MDGA2: variants seen among roughly 807,000 people sequenced by gnomAD.
MDGA2 encodes the protein MAM domain containing glycosylphosphatidylinositol anchor 2.
MDGA2 carries 40 observed loss-of-function variants against 117.8 expected under a neutral mutation model. That is an observed-to-expected ratio of 0.34 (90% CI 0.26 to 0.44). The LOEUF (loss-of-function observed/expected upper bound fraction) is 0.44. Ranked by LOEUF, MDGA2 falls within the 20% of genes least tolerant of loss-of-function variation. The pLI is 1.00. For missense variants in MDGA2, 1,123 were observed against 1,250.6 expected, an observed-to-expected ratio of 0.90 and a Z score of 1.54; for synonymous variants, 452 against 439.0, an observed-to-expected ratio of 1.03 and a Z score of -0.37.
intron 9 of MDGA2, among the ~76,000 whole-genome samples, chr14:46,922,320 T>TAGG (rs1408338241): frequency 6.6e-6 from 1 of 152,168 alleles, no homozygotes; most frequent in Non-Finnish European, 1.5e-5. Flanking sequence ...AGTCAACACT[T>TAGG]AAACAGCCAT....
At chr14:47,510,509 C>T (rs1429691680) in intron 1 of MDGA2, among the ~76,000 whole-genome samples, 1 of 152,122 alleles carries the variant, frequency 6.6e-6, no homozygotes, top group East Asian at 1.9e-4. Flanking sequence ...CTTGAGAGTT[C>T]TGCCTAATTT....
At chr14:47,218,246 G>C in intron 2 of MDGA2, 51 bp from the exon 3 acceptor site, 2 of 1,414,670 alleles carry the variant, frequency 1.4e-6, no homozygotes, top group Non-Finnish European at 1.9e-6. Context: ...TTCCCACAGA[G>C]AAATCAAATA....
At position 47,186,354 on chromosome 14, in the gene MDGA2, C is replaced by A. The variant is rs77006023; in HGVS notation, c.595+31667G>T. 3.1e-3 allele frequency among the ~76,000 whole-genome samples: 473 copies of A among 151,538 alleles called. 13 individuals carry two copies. The East Asian group carries it at 0.068, about 22-fold the overall frequency. ...AAAATTCATATGAAAGAATAAATTG[C>A]CAAAATAAGACAAACTTGAAAAAAG... On this transcript the variant is annotated intron_variant, in intron 3 of 16. Transcript: ENST00000399232.
intron 1 of MDGA2, among the ~76,000 whole-genome samples, chr14:47,595,565 A>AC (rs1327138033): frequency 1.1e-3 from 121 of 112,040 alleles, no homozygotes; most frequent in African/African-American, 5.1e-3. Context: ...AACAAAAAAA[A>AC]AAAAAACCCA....
intron 3 of MDGA2, among the ~76,000 whole-genome samples, chr14:47,179,895 G>T (rs1884629845): frequency 6.6e-6 from 1 of 151,812 alleles, no homozygotes; most frequent in African/African-American, 2.4e-5. Context: ...TCCCTAATTT[G>T]CCAATATCTT....
At chr14:47,518,004 C>T (rs1286853792) in intron 1 of MDGA2, among the ~76,000 whole-genome samples, 1 of 151,862 alleles carries the variant, frequency 6.6e-6, no homozygotes, top group Admixed American at 6.6e-5. Context: ...TATGCTTTAT[C>T]GTGTGTGGTC....
intron 1 of MDGA2, among the ~76,000 whole-genome samples, chr14:47,429,703 C>T (rs1238589573): frequency 6.6e-6 from 1 of 151,950 alleles, no homozygotes; most frequent in African/African-American, 2.4e-5. Context: ...CATTGTAAGA[C>T]ATTTTATTGA....
At chr14:47,160,635 A>C (rs1594680185) in intron 3 of MDGA2, among the ~76,000 whole-genome samples, 1 of 152,324 alleles carries the variant, frequency 6.6e-6, no homozygotes, top group East Asian at 1.9e-4. Flanking sequence ...ACTCCACTCC[A>C]TTCTGGACCA....
chr14:46,987,674 A>G (rs1159715029), intron 8 of MDGA2, among the ~76,000 whole-genome samples: 1 of 152,098 alleles, frequency 6.6e-6, no homozygotes, highest in Admixed American at 6.6e-5. Context: ...AGACTAACAA[A>G]AAGTTAGAAC....
intron 1 of MDGA2, among the ~76,000 whole-genome samples, chr14:47,561,141 G>GTTTGTTTTTTTTTTTTTTTTTTTT (rs1555332241): frequency 5.8e-5 from 3 of 52,142 alleles, no homozygotes; most frequent in East Asian, 2.0e-3. Context: ...CTCTATCTTT[G>GTTTGTTTTTTTTTTTTTTTTTTTT]TTTTTTTTTT....
intron 6 of MDGA2, among the ~76,000 whole-genome samples, chr14:47,094,741 G>A (rs1243603250): frequency 6.6e-6 from 1 of 151,790 alleles, no homozygotes; most frequent in African/African-American, 2.4e-5. Flanking sequence ...AATAATTACA[G>A]CAAGATTTGG....
chr14:46,888,190 C>A (rs1008056384), intron 10 of MDGA2, among the ~76,000 whole-genome samples: 5 of 151,966 alleles, frequency 3.3e-5, no homozygotes, highest in Non-Finnish European at 7.4e-5. Flanking sequence ...TTAAATACTT[C>A]ATATTGTATC....
intron 7 of MDGA2, among the ~76,000 whole-genome samples, chr14:47,055,184 T>G (rs1475176636): frequency 6.6e-6 from 1 of 152,030 alleles, no homozygotes; most frequent in African/African-American, 2.4e-5. Flanking sequence ...AGATTGATTG[T>G]TAAGCCTTAA....
chr14:46,943,699 G>A (rs1885074521), intron 9 of MDGA2, among the ~76,000 whole-genome samples: 1 of 151,918 alleles, frequency 6.6e-6, no homozygotes, highest in African/African-American at 2.4e-5. Context: ...CATCGCTTGT[G>A]CTATTGGCAT....
chr14:47,101,010 C>A (rs1251581924), intron 5 of MDGA2, among the ~76,000 whole-genome samples: 1 of 151,810 alleles, frequency 6.6e-6, no homozygotes, highest in Non-Finnish European at 1.5e-5. Flanking sequence ...TCATAAAGAT[C>A]AGGATGCCAA....
chr14:47,182,753 G>C (rs142109381), intron 3 of MDGA2, among the ~76,000 whole-genome samples: 18 of 152,098 alleles, frequency 1.2e-4, no homozygotes, highest in African/African-American at 4.3e-4. Flanking sequence ...ACAATTACAA[G>C]AACTATAACT....
At chr14:47,253,403 G>T (rs891602229) in intron 2 of MDGA2, among the ~76,000 whole-genome samples, 5 of 152,166 alleles carry the variant, frequency 3.3e-5, no homozygotes, top group Admixed American at 6.5e-5. Context: ...AAATACACCA[G>T]TTCCAAATGA....
chr14:47,352,624 G>C lies in MDGA2; in HGVS notation c.281-51074C>G, dbSNP rs561767600. Among the ~76,000 whole-genome samples, 512 of 152,246 alleles carry C rather than the reference G, an allele frequency of 3.4e-3. 3 individuals are homozygous for C. The highest frequency in any genetic ancestry group is 5.5e-3 in the Non-Finnish European group (372 of 68,006). Reference sequence around the variant, plus strand: ...TTTTTTCCTTGCAAGATTATTGTGAGAAAAAACATGGCATAATATTTGCAA... The same window carrying C: ...TTTTTTCCTTGCAAGATTATTGTGACAAAAAACATGGCATAATATTTGCAA... On this transcript the variant is annotated intron_variant, in intron 1 of 16. Transcript: ENST00000399232.
At position 46,943,891 on chromosome 14, in the gene MDGA2, AATAC is replaced by A. The variant is rs764329392; in HGVS notation, c.2089+13479_2089+13482del. Among the ~76,000 whole-genome samples the A allele has an allele frequency of 5.5e-4, 83 of 152,214 alleles. 1 individual carries two copies. The highest frequency in any genetic ancestry group is 5.9e-4 in the Non-Finnish European group (40 of 67,946). ...CTGTAGCATGAAAGCAGCTTTAGAC[AATAC>A]ATAAACAAATCAGGAAAGGTGTGTT... is the stretch of plus-strand genomic sequence containing the variant. On this transcript the variant is annotated intron_variant, in intron 9 of 16. Coordinates refer to ENST00000399232, the MANE Select transcript of MDGA2 (RefSeq NM_001113498.3).
Sources: gnomAD v4.1 joint callset for allele counts (sites outside exome capture counted in the v4.1 genomes callset) on GRCh38, gnomAD v4.1.1 for gene constraint, MANE v1.5 for transcripts, NCBI Gene and HGNC (gene_info 2026-07-23, HGNC 2026-07-21) for gene names.